Variants in LRP2 observed in about 807,000 individuals in gnomAD.
The protein encoded by LRP2 is LDL receptor related protein 2, also known as low-density lipoprotein receptor-related protein 2.
A neutral mutation model predicts 531.0 loss-of-function variants in LRP2; 172 were observed. The ratio of observed to expected loss-of-function variants is 0.32; its 90% CI spans 0.29 to 0.37. LRP2 has a LOEUF of 0.37. Ranked by LOEUF, LRP2 falls within the 10% of genes least tolerant of loss-of-function variation. The pLI is 1.00. For missense variants in LRP2, 5,167 were observed against 5,868.3 expected (o/e 0.88, Z 3.90); for synonymous variants, 1,992 against 2,027.6 (o/e 0.98, Z 0.47).
rs1689199730 is a variant in LRP2 at position 169,226,360 on chromosome 2, C to T, written c.5394+62G>A. ...TGACAAAAGTTTGCTTATAAGAAAA[C>T]ATCAGTGCAGGCAGGCTCTTCAAGA... On this transcript the variant is annotated intron_variant, in intron 32 of 78. Transcript: ENST00000649046. 2.2e-6 allele frequency: 3 copies of T among 1,345,330 alleles called. No homozygotes were observed. In the South Asian group the frequency reaches 3.6e-5, roughly 16 times the overall value. 83.3% of individuals were successfully genotyped at this position (1,345,330 alleles called of 1,614,324 possible).
chr2:169,208,465 T>G (rs1688475220), intron 38 of LRP2, among the ~76,000 whole-genome samples: 1 of 152,192 alleles, frequency 6.6e-6, no homozygotes, highest in African/African-American at 2.4e-5. Flanking sequence ...TTTAAATTTT[T>G]TTTTAATTCG....
chr2:169,206,844 C>T lies in LRP2; in HGVS notation c.6876G>A (p.Trp2292Ter). 1.2e-6 allele frequency: 2 copies of T among 1,614,098 alleles called. No homozygotes were observed. The highest frequency in any genetic ancestry group is 1.7e-6 in the Non-Finnish European group (2 of 1,179,998). Reference sequence around the variant, plus strand: ...AGATCTTTTTCAAATTCCTATCTACCCATATGATAGAATTTTCAAAAACAG... The same window carrying T: ...AGATCTTTTTCAAATTCCTATCTACTCATATGATAGAATTTTCAAAAACAG... The part of the protein sequence containing the change: ...GITVFENSII[W>*]VDRNLKKIFQ... The change falls in exon 39 of 79, where the codon TGG (tryptophan) becomes TGA (stop). Residue 2292 changes from tryptophan (W) to a stop codon, truncating the protein, a stop_gained. Transcript: ENST00000649046. LOFTEE classifies it high-confidence loss of function.
At chr2:169,237,033 ATCATGTTAC>A in intron 28 of LRP2, 61 bp downstream of exon 28, 1 of 1,315,812 alleles carries the variant, frequency 7.6e-7, no homozygotes. Context: ...TATCAGCTAC[ATCATGTTAC>A]TGTTGTTTTT....
At chr2:169,312,375 G>C (rs185643605) in intron 3 of LRP2, among the ~76,000 whole-genome samples, 1 of 152,292 alleles carries the variant, frequency 6.6e-6, no homozygotes, top group Admixed American at 6.5e-5. Context: ...GCTTCCTTCA[G>C]GATTTCTTGT....
At chr2:169,196,527 C>T (rs1373060825) in intron 46 of LRP2, among the ~76,000 whole-genome samples, 1 of 152,168 alleles carries the variant, frequency 6.6e-6, no homozygotes, top group African/African-American at 2.4e-5. Flanking sequence ...TATACTCCTT[C>T]CCCATGTATA....
intron 56 of LRP2, 144 bp downstream of exon 56, chr2:169,173,775 G>C (rs1369249096): frequency 9.1e-7 from 1 of 1,095,368 alleles, no homozygotes; most frequent in African/African-American, 1.5e-5. Context: ...ACTCTGCCTT[G>C]CAGTGCCAGA....
intron 75 of LRP2, among the ~76,000 whole-genome samples, chr2:169,138,291 T>C (rs909224953): frequency 1.3e-5 from 2 of 152,110 alleles, no homozygotes; most frequent in African/African-American, 4.8e-5. Context: ...CACACCACCC[T>C]CAAAAAAACC....
At position 169,156,061 on chromosome 2, in the gene LRP2, AT is replaced by A. The variant is rs143925877; in HGVS notation, c.12151+212del. Among the ~76,000 whole-genome samples the A allele has an allele frequency of 4.7e-3, 719 of 152,110 alleles. 13 individuals carry two copies. The highest frequency in any genetic ancestry group is 0.036 in the Admixed American group (549 of 15,248). On this transcript the variant is annotated intron_variant, in intron 65 of 78. Transcript: ENST00000649046. ...CTGGCTCTTGTTTTAATTGCTACAT[AT>A]TTGTTGGGGGATGTAGCTATTGTTT... is the stretch of plus-strand genomic sequence containing the variant.
intron 52 of LRP2, 124 bp downstream of exon 52, chr2:169,181,324 C>T: frequency 1.1e-6 from 1 of 899,364 alleles, no homozygotes; most frequent in Non-Finnish European, 1.8e-6. Context: ...GTGTGACTTC[C>T]CCCGAATGAC....
intron 15 of LRP2, among the ~76,000 whole-genome samples, chr2:169,272,644 G>C (rs968171416): frequency 6.6e-6 from 1 of 152,076 alleles, no homozygotes; most frequent in Non-Finnish European, 1.5e-5. Context: ...AGGAGAAAAA[G>C]GCTTCAGGAA....
At chr2:169,159,461 T>G (rs1686491572) in intron 63 of LRP2, among the ~76,000 whole-genome samples, 1 of 152,138 alleles carries the variant, frequency 6.6e-6, no homozygotes, top group Non-Finnish European at 1.5e-5. Flanking sequence ...GCCCTTGGAG[T>G]GCAGACTTCA....
rs1398089823 is a variant in LRP2, at chr2:169,239,682, A to G, written c.4139T>C (p.Leu1380Ser). ...ACAGGTCTTAGAATCATTGGCAAGT[A>G]AGAATCCCAATGGACATAGGCATTT... is the stretch of plus-strand genomic sequence containing the variant. ...GAKCLCPLGF[L>S]LANDSKTCED... The change falls in exon 26 of 79, where the codon TTA (leucine) becomes TCA (serine). Residue 1380 changes from leucine to serine, a missense_variant. Physicochemically the swap from Leu to Ser is moderately radical, Grantham distance 145. Transcript: ENST00000649046. The G allele has an allele frequency of 6.2e-7, 1 of 1,613,590 alleles. No individual in the cohort carries two copies. The highest frequency in any genetic ancestry group is 8.5e-7 in the Non-Finnish European group (1 of 1,179,452).
chr2:169,173,501 G>A (rs912293753), intron 56 of LRP2, among the ~76,000 whole-genome samples: 1 of 152,196 alleles, frequency 6.6e-6, no homozygotes, highest in Non-Finnish European at 1.5e-5. Context: ...AACCTGGGTT[G>A]AAGTGTTAGG....
chr2:169,307,432 T>A (rs1347044012), intron 3 of LRP2, 35 bp from the exon 4 acceptor site: 1 of 1,192,904 alleles, frequency 8.4e-7, no homozygotes. Context: ...TAATTTATAA[T>A]TATTGCTAGA....
intron 45 of LRP2, among the ~76,000 whole-genome samples, chr2:169,198,207 A>C (rs995543903): frequency 6.6e-6 from 1 of 152,162 alleles, no homozygotes; most frequent in Admixed American, 6.5e-5. Context: ...TGAGCCCAAG[A>C]GTTCCAGACC....
chr2:169,178,743 A>T lies in LRP2; in HGVS notation c.10170-717T>A, dbSNP rs144299330. ...TTTCATTACTGTGGGTCTATATCAGAAATCATTTCTAAAATAGTGAAAATT... is the reference window on the plus strand; with the variant it reads ...TTTCATTACTGTGGGTCTATATCAGTAATCATTTCTAAAATAGTGAAAATT... On this transcript the variant is annotated intron_variant, in intron 52 of 78. Coordinates refer to ENST00000649046, the MANE Select transcript of LRP2 (RefSeq NM_004525.3). Among the ~76,000 whole-genome samples, 93 of 152,320 alleles carry T rather than the reference A, an allele frequency of 6.1e-4. 1 individual carries two copies. The highest frequency in any genetic ancestry group is 2.8e-3 in the Admixed American group (43 of 15,302).
chr2:169,334,407 C>T (rs1685346852), intron 1 of LRP2, among the ~76,000 whole-genome samples: 1 of 152,116 alleles, frequency 6.6e-6, no homozygotes, highest in Non-Finnish European at 1.5e-5. Context: ...GAGTGTTGGT[C>T]AAGAATAGAG....
At chr2:169,280,241 C>A (rs1483810162) in intron 11 of LRP2, 109 bp downstream of exon 11, 3 of 1,233,530 alleles carry the variant, frequency 2.4e-6, no homozygotes, top group African/African-American at 1.5e-5. Context: ...TCTCAAGGGC[C>A]TTTTTTGTTA....
In LRP2 at chr2:169,182,283, G is replaced by T. The variant is rs375646935; in HGVS notation, c.9882C>A (p.Leu3294=). Residue 3294 remains leucine, a synonymous_variant, in exon 51 of 79, where the codon CTC becomes CTA. Coordinates refer to ENST00000649046, the MANE Select transcript of LRP2 (RefSeq NM_004525.3). ...LYWLDARLDG[L]FVSDLNGGHR... is the part of the protein sequence containing the mutation. Reference sequence around the variant, plus strand: ...GTCCACCATTGAGGTCAGAGACAAAGAGGCCATCCAGGCGGGCATCCAACC... The same window carrying T: ...GTCCACCATTGAGGTCAGAGACAAATAGGCCATCCAGGCGGGCATCCAACC... The T allele has an allele frequency of 7.4e-6, 12 of 1,614,034 alleles. No homozygotes were observed. Among genetic ancestry groups the T allele is most frequent in the African/African-American group, 2.7e-5 (2 of 75,048 alleles).
Sources: allele counts gnomAD v4.1 joint callset (sites outside exome capture counted in the v4.1 genomes callset), GRCh38; gene constraint gnomAD v4.1.1; transcripts MANE v1.5; gene names NCBI Gene and HGNC (gene_info 2026-07-23, HGNC 2026-07-21).